The following ATP2B2 variants were observed in gnomAD, a reference collection of about 807,000 sequenced individuals.
ATP2B2 encodes the protein ATPase plasma membrane Ca2+ transporting 2.
In ATP2B2, 15 loss-of-function variants were observed where a neutral mutation model predicts 120.0. The ratio of observed to expected loss-of-function variants is 0.12; its 90% CI spans 0.08 to 0.19. ATP2B2 has a LOEUF of 0.19. Ranked by LOEUF, ATP2B2 falls within the 10% of genes least tolerant of loss-of-function variation. The pLI is 1.00. For missense variants in ATP2B2, 1,045 were observed against 1,719.8 expected, an observed-to-expected ratio of 0.61 and a Z score of 6.94; for synonymous variants, 694 against 700.3, an observed-to-expected ratio of 0.99 and a Z score of 0.14.
intron 1 of ATP2B2, among the ~76,000 whole-genome samples, chr3:10,679,268 G>A (rs1287139593): frequency 6.6e-6 from 1 of 152,190 alleles, no homozygotes; most frequent in Non-Finnish European, 1.5e-5. Flanking sequence ...CACTAAGTTT[G>A]TGGTAAGTTG....
intron 6 of ATP2B2, 121 bp downstream of exon 6, chr3:10,388,156 G>T: frequency 6.8e-7 from 1 of 1,476,098 alleles, no homozygotes; most frequent in Non-Finnish European, 9.4e-7. Flanking sequence ...GGAGGTGGCT[G>T]TCAGCACAGG....
chr3:10,388,182 G>C (rs781538544), intron 6 of ATP2B2, 95 bp downstream of exon 6: 69 of 1,569,300 alleles, frequency 4.4e-5, no homozygotes, highest in Non-Finnish European at 6.0e-5. Flanking sequence ...GACGTAGAAG[G>C]CACTCAATAA....
At chr3:10,691,012 T>C (rs933167766) in intron 1 of ATP2B2, among the ~76,000 whole-genome samples, 1 of 152,232 alleles carries the variant, frequency 6.6e-6, no homozygotes, top group African/African-American at 2.4e-5. Context: ...ATTGCTTATC[T>C]GTGTGGAAGG....
chr3:10,645,520 G>A (rs1246652075), intron 1 of ATP2B2, among the ~76,000 whole-genome samples: 1 of 152,184 alleles, frequency 6.6e-6, no homozygotes, highest in Admixed American at 6.5e-5. Flanking sequence ...GACGCACACA[G>A]ATAAAGCACA....
chr3:10,667,495 C>T (rs1432232889), intron 1 of ATP2B2, among the ~76,000 whole-genome samples: 11 of 152,238 alleles, frequency 7.2e-5, no homozygotes, highest in East Asian at 1.9e-4. Flanking sequence ...CCGCACTCGG[C>T]GTGTCAGCCT....
chr3:10,379,376 A>C, intron 8 of ATP2B2, 92 bp from the exon 9 acceptor site: 55 of 1,411,706 alleles, frequency 3.9e-5, no homozygotes, highest in Non-Finnish European at 5.4e-5. Context: ...CATTAATGTC[A>C]CAGATGAAGG....
At chr3:10,470,006 C>T (rs1169342028) in intron 1 of ATP2B2, among the ~76,000 whole-genome samples, 3 of 152,016 alleles carry the variant, frequency 2.0e-5, no homozygotes, top group Non-Finnish European at 4.4e-5. Flanking sequence ...AGCGCAGCCC[C>T]CGTGGGGGCT....
intron 2 of ATP2B2, chr3:10,566,152 A>C (rs1182830713): frequency 6.6e-6 from 1 of 151,814 alleles, no homozygotes; most frequent in Admixed American, 6.6e-5. Context: ...CCATCCATCC[A>C]GCTTATCCAT....
intron 12 of ATP2B2, among the ~76,000 whole-genome samples, chr3:10,363,152 C>G (rs1003147113): frequency 2.0e-5 from 3 of 152,198 alleles, no homozygotes; most frequent in African/African-American, 4.8e-5. Flanking sequence ...AATGGCAGAG[C>G]TGCCTCCTCC....
chr3:10,567,716 T>C (rs1458396118), intron 2 of ATP2B2, among the ~76,000 whole-genome samples: 1 of 152,228 alleles, frequency 6.6e-6, no homozygotes, highest in Admixed American at 6.5e-5. Context: ...TGATAATTAA[T>C]CATGGAACAT....
intron 1 of ATP2B2, among the ~76,000 whole-genome samples, chr3:10,649,899 G>A (rs560331639): frequency 1.3e-5 from 2 of 152,314 alleles, no homozygotes; most frequent in South Asian, 4.1e-4. Flanking sequence ...CTTCCACAAT[G>A]TTTGTGAGGT....
intron 2 of ATP2B2, among the ~76,000 whole-genome samples, chr3:10,607,345 C>T (rs2069114517): frequency 6.6e-6 from 1 of 152,204 alleles, no homozygotes; most frequent in African/African-American, 2.4e-5. Flanking sequence ...AAGCTGGGCA[C>T]TCCCAGACCT....
upstream of ATP2B2, among the ~76,000 whole-genome samples, chr3:10,509,941 C>T (rs1311379694): frequency 6.6e-6 from 1 of 152,134 alleles, no homozygotes; most frequent in African/African-American, 2.4e-5. Context: ...TATGATAATA[C>T]CTATTTGGCG....
chr3:10,467,726 C>A (rs761965188), intron 1 of ATP2B2, among the ~76,000 whole-genome samples: 1 of 152,150 alleles, frequency 6.6e-6, no homozygotes, highest in Non-Finnish European at 1.5e-5. Flanking sequence ...GTTACTGAAC[C>A]GGAGGAAACG....
At chr3:10,499,107 C>G (rs1035211955) in intron 1 of ATP2B2, among the ~76,000 whole-genome samples, 5 of 152,204 alleles carry the variant, frequency 3.3e-5, no homozygotes, top group Non-Finnish European at 7.3e-5. Flanking sequence ...GATTTATACT[C>G]AAATCTTTCT....
chr3:10,475,525 T>C (rs543734342), intron 1 of ATP2B2, among the ~76,000 whole-genome samples: 1 of 152,352 alleles, frequency 6.6e-6, no homozygotes, highest in African/African-American at 2.4e-5. Flanking sequence ...ATCTGTGCTC[T>C]GATTCCAGCT....
intron 1 of ATP2B2, among the ~76,000 whole-genome samples, chr3:10,664,926 C>T (rs1310042614): frequency 1.3e-5 from 2 of 152,128 alleles, no homozygotes; most frequent in African/African-American, 2.4e-5. Flanking sequence ...TGGACACCTC[C>T]CCCAACCCAC....
Position 10,483,375 on chromosome 3 carries a change from G to A in ATP2B2, c.-320+22090C>T, listed in dbSNP as rs183026176. 1.5e-3 allele frequency among the ~76,000 whole-genome samples: 223 copies of A among 152,258 alleles called. 1 individual carries two copies. Among genetic ancestry groups the A allele is most frequent in the African/African-American group, 4.9e-3 (204 of 41,542 alleles). ...CCTTCCTTCCTGTCAACCTACCTGTGTCCCTACCTATCTAACAACTAATCC... is the reference window on the plus strand; with the variant it reads ...CCTTCCTTCCTGTCAACCTACCTGTATCCCTACCTATCTAACAACTAATCC... On this transcript the variant is annotated intron_variant, in intron 1 of 22. Coordinates refer to ENST00000360273, the MANE Select transcript of ATP2B2 (RefSeq NM_001001331.4).
At chr3:10,407,434 C>T (rs1488047120) in intron 3 of ATP2B2, among the ~76,000 whole-genome samples, 2 of 152,242 alleles carry the variant, frequency 1.3e-5, no homozygotes, top group Non-Finnish European at 1.5e-5. Context: ...CTGGCCTGCG[C>T]TCCCTCCTTC....
Sources: gnomAD v4.1 joint callset for allele counts (sites outside exome capture counted in the v4.1 genomes callset) on GRCh38, gnomAD v4.1.1 for gene constraint, MANE v1.5 for transcripts, NCBI Gene and HGNC (gene_info 2026-07-23, HGNC 2026-07-21) for gene names.